The following EVPL variants were observed in gnomAD, a reference collection of about 807,000 sequenced individuals.
The protein encoded by EVPL is 210 kDa cornified envelope precursor protein.
A neutral mutation model predicts 129.7 loss-of-function variants in EVPL; 94 were observed. The observed-to-expected ratio is 0.72, with a 90% CI of 0.61 to 0.86. EVPL has a LOEUF of 0.86. Ranked by LOEUF, EVPL falls within the 40% of genes least tolerant of loss-of-function variation. EVPL has a pLI of 0.00. For synonymous variants in EVPL, 1,172 were observed against 1,191.1 expected (o/e 0.98, Z 0.33); for missense variants, 2,625 against 2,721.1 (o/e 0.96, Z 0.79).
At chr17:76,020,635 C>G (rs1425251308) in intron 9 of EVPL, among the ~76,000 whole-genome samples, 1 of 147,194 alleles carries the variant, frequency 6.8e-6, no homozygotes, top group South Asian at 2.1e-4. Context: ...CATTATTATT[C>G]TCCTAAAGAG....
At position 76,014,708 on chromosome 17, in the gene EVPL, C is replaced by T. The variant is rs1183269762; in HGVS notation, c.2223-132G>A. 6.2e-6 allele frequency: 8 copies of T among 1,296,534 alleles called. No individual in the cohort carries two copies. The African/African-American group carries it at 1.2e-4, about 20-fold the overall frequency. 80.3% of individuals were successfully genotyped at this position (1,296,534 alleles called of 1,614,324 possible). A position where few individuals can be genotyped will look rare whatever the true frequency, so the allele number is the denominator to read the frequency against. On this transcript the variant is annotated intron_variant, in intron 17 of 21. Transcript: ENST00000301607. ...GCCCGAGTGGCCTGCTGTGCAGATC[C>T]CCACTCCCTGACCCTGGGAATTCAG...
intron 18 of EVPL, among the ~76,000 whole-genome samples, chr17:76,012,712 T>G (rs1159087456): frequency 1.9e-4 from 28 of 150,362 alleles, no homozygotes; most frequent in African/African-American, 6.1e-4. Flanking sequence ...CAGGTCCGGG[T>G]GGCCCTGAGA....
rs1338249287 is a variant in EVPL at position 76,011,997 on chromosome 17, G to A, written c.2457+9C>T. On this transcript the variant is annotated intron_variant, in intron 19 of 21. Coordinates refer to ENST00000301607, the MANE Select transcript of EVPL (RefSeq NM_001988.4). ...ATGGAGAGGGGCAAGCTGAAGGCAA[G>A]CTGCTTACCTGGAGCGCTGCCTGCA... 1 of 1,612,012 alleles carries A rather than the reference G, an allele frequency of 6.2e-7. No individual in the cohort carries two copies. The highest frequency in any genetic ancestry group is 1.1e-5 in the South Asian group (1 of 90,602).
At position 76,017,738 on chromosome 17, in the gene EVPL, C is replaced by T; in HGVS notation, c.1710+1G>A. 6.2e-7 allele frequency: 1 copy of T among 1,611,586 alleles called. No individual in the cohort carries two copies. Among genetic ancestry groups the T allele is most frequent in the Non-Finnish European group, 8.5e-7 (1 of 1,179,580 alleles). On this transcript the variant is annotated splice_donor_variant, in intron 14 of 21. Transcript: ENST00000301607. LOFTEE classifies it high-confidence loss of function. ...GCCGCCCCTTCCCGCTGCTCACCCA[C>T]CTCATGGCTGTGGATGCGGCCCTCC...
Position 76,009,090 on chromosome 17 carries a change from A to G in EVPL, c.4115T>C (p.Val1372Ala). 6.2e-7 allele frequency: 1 copy of G among 1,612,926 alleles called. No individual in the cohort carries two copies. Among genetic ancestry groups the G allele is most frequent in the Non-Finnish European group, 8.5e-7 (1 of 1,179,438 alleles). Residue 1372 changes from valine to alanine, a missense_variant, in exon 22 of 22, where the codon GTG becomes GCG. Around this residue, in one of 4 missense-constraint regions of EVPL, gnomAD observed 1,453 missense variants for 1,511.8 expected, o/e 0.96. Transcript: ENST00000301607. This position sits in a 1 kb window ranked among gnomAD's most constrained non-coding sequence, Gnocchi z 5.9. ...CTTCTGGGTGACCACCACCTCCTGC[A>G]CCACCACCTTCTCCTCGGGCTTCCT... Reference protein sequence around the residue: ...ERRKPEEKVVVQEVVVTQKDP... With the variant: ...ERRKPEEKVVAQEVVVTQKDP...
rs910241774 is a variant in EVPL at position 76,013,385 on chromosome 17, A to T, written c.2373+1041T>A. Among the ~76,000 whole-genome samples, 2 of 151,744 alleles carry T rather than the reference A, an allele frequency of 1.3e-5. No homozygotes were observed. The highest frequency in any genetic ancestry group is 4.8e-5 in the African/African-American group (2 of 41,278). On this transcript the variant is annotated intron_variant, in intron 18 of 21. Coordinates refer to ENST00000301607, the MANE Select transcript of EVPL (RefSeq NM_001988.4). This position sits in a 1 kb window ranked among gnomAD's most constrained non-coding sequence, Gnocchi z 4.3. ...TTTGCTCTCACGAGCTCCTAGGGGA[A>T]CCCCCAGCCCCAGTTCCCTCCCATA...
In EVPL at chr17:76,024,528, T is replaced by G. The variant is rs1279384452; in HGVS notation, c.99-408A>C. Among the ~76,000 whole-genome samples the G allele has an allele frequency of 3.9e-5, 6 of 152,060 alleles. No individual in the cohort carries two copies. Among genetic ancestry groups the G allele is most frequent in the African/African-American group, 1.4e-4 (6 of 41,416 alleles). ...CCCTGGGAGGGGTAGTTGGGCTGGC[T>G]GGGGCAGGGAGGCAGCAGCATGTCC... On this transcript the variant is annotated intron_variant, in intron 1 of 21. Transcript: ENST00000301607. The surrounding 1 kb of genome is among the most constrained non-coding windows in gnomAD (Gnocchi z 4.5).
Position 76,010,168 on chromosome 17 carries a change from G to A in EVPL, c.3037C>T (p.His1013Tyr), listed in dbSNP as rs772213298. ...TGGGTGACCTCCTTGGTCAGCAGAT[G>A]AGGCTGCATGGTCTTCCTCTTGCTT... ...LESKRKTMQP[H>Y]LLTKEVTQVE... The change falls in exon 22 of 22, where the codon CAT becomes TAT. Residue 1013 changes from histidine (H) to tyrosine (Y), a missense_variant. Coordinates refer to ENST00000301607, the MANE Select transcript of EVPL (RefSeq NM_001988.4). 3.0e-5 allele frequency: 49 copies of A among 1,613,970 alleles called. No homozygotes were observed. Among genetic ancestry groups the A allele is most frequent in the Non-Finnish European group, 2.5e-6 (3 of 1,180,040 alleles).
At position 76,010,165 on chromosome 17, in the gene EVPL, G is replaced by T; in HGVS notation, c.3040C>A (p.Leu1014Met). ...ESKRKTMQPH[L>M]LTKEVTQVER... ...ACCTGGGTGACCTCCTTGGTCAGCAGATGAGGCTGCATGGTCTTCCTCTTG... is the reference window on the plus strand; with the variant it reads ...ACCTGGGTGACCTCCTTGGTCAGCATATGAGGCTGCATGGTCTTCCTCTTG... Residue 1014 changes from leucine (L) to methionine (M), a missense_variant, in exon 22 of 22, where the codon CTG becomes ATG. Transcript: ENST00000301607. 1 of 1,614,140 alleles carries T rather than the reference G, an allele frequency of 6.2e-7. No individual in the cohort carries two copies. Among genetic ancestry groups the T allele is most frequent in the Non-Finnish European group, 8.5e-7 (1 of 1,180,038 alleles).
chr17:76,014,869 G>C (rs2066405193), intron 17 of EVPL, 47 bp downstream of exon 17: 6 of 1,522,528 alleles, frequency 3.9e-6, no homozygotes, highest in African/African-American at 1.4e-5. Flanking sequence ...GCAATGCCTG[G>C]CTCTGCACCA....
At position 76,024,466 on chromosome 17, in the gene EVPL, C is replaced by T. The variant is rs922264646; in HGVS notation, c.99-346G>A. On this transcript the variant is annotated intron_variant, in intron 1 of 21. Coordinates refer to ENST00000301607, the MANE Select transcript of EVPL (RefSeq NM_001988.4). The surrounding 1 kb of genome is among the most constrained non-coding windows in gnomAD (Gnocchi z 4.5). ...TTCCCTCCCCGAGCCAGTGAATCAC[C>T]GGCTCAGCCACTAGCACCTGAGCCA... 6.6e-5 allele frequency among the ~76,000 whole-genome samples: 10 copies of T among 152,120 alleles called. No individual in the cohort carries two copies. Among genetic ancestry groups the T allele is most frequent in the African/African-American group, 9.7e-5 (4 of 41,414 alleles).
chr17:76,014,227 G>C (rs577238496), intron 18 of EVPL, among the ~76,000 whole-genome samples, 199 bp downstream of exon 18: 24 of 152,336 alleles, frequency 1.6e-4, no homozygotes, highest in African/African-American at 5.5e-4. Flanking sequence ...GCCTGAGCTT[G>C]TAAATCCCAC....
Position 76,018,965 on chromosome 17 carries a change from G to A in EVPL, c.1233C>T (p.Pro411=), listed in dbSNP as rs973770922. ...DVAPLPQRRN[P]PQQPLHVDSI... is the part of the protein sequence containing the mutation. ...TGTCCACGTGCAGGGGCTGCTGAGG[G>A]GGGTTTCTTCGCTGTGGCAGAGGGG... The change falls in exon 11 of 22, where the codon CCC becomes CCT. Residue 411 remains proline (P), a synonymous_variant. Transcript: ENST00000301607. 8 of 1,565,166 alleles carry A rather than the reference G, an allele frequency of 5.1e-6. No individual in the cohort carries two copies. Among genetic ancestry groups the A allele is most frequent in the Non-Finnish European group, 6.0e-6 (7 of 1,159,914 alleles).
rs1433464184 is a variant in EVPL, at chr17:76,017,849, G to C, written c.1600C>G (p.Leu534Val). ...AQKLLTQMTR[L>V]DGDLGQIERQ... ...TCTATCTGTCCCAGGTCTCCATCCA[G>C]CCGGGTCATCTGTGTCAGGAGCTTC... The change falls in exon 14 of 22, where the codon CTG becomes GTG. Residue 534 changes from leucine to valine, a missense_variant. Physicochemically the swap from Leu to Val is conservative, Grantham distance 32. Coordinates refer to ENST00000301607, the MANE Select transcript of EVPL (RefSeq NM_001988.4). 3 of 1,613,988 alleles carry C rather than the reference G, an allele frequency of 1.9e-6. No individual in the cohort carries two copies. The highest frequency in any genetic ancestry group is 2.5e-6 in the Non-Finnish European group (3 of 1,180,056).
In EVPL at chr17:76,008,964, G is replaced by GC; in HGVS notation, c.4240dup (p.Ala1414GlyfsTer94). On this transcript the variant is annotated frameshift_variant, in exon 22 of 22. Coordinates refer to ENST00000301607, the MANE Select transcript of EVPL (RefSeq NM_001988.4). LOFTEE classifies it low-confidence loss of function (END_TRUNC). This position sits in a 1 kb window ranked among gnomAD's most constrained non-coding sequence, Gnocchi z 7.4. Reference sequence around the variant, plus strand: ...CAGGCCCTCCTGCTCCTCCACGCCGGCCCGCAGCTGCTGCACCTCAAGCTC... The same window carrying GC: ...CAGGCCCTCCTGCTCCTCCACGCCGGCCCCGCAGCTGCTGCACCTCAAGCTC... The GC allele has an allele frequency of 1.2e-6, 2 of 1,611,462 alleles. 1 individual carries two copies. The highest frequency in any genetic ancestry group is 2.2e-5 in the South Asian group (2 of 91,060).
In EVPL at chr17:76,009,510, T is replaced by C; in HGVS notation, c.3695A>G (p.Glu1232Gly). The C allele has an allele frequency of 6.2e-7, 1 of 1,613,954 alleles. No homozygotes were observed. Among genetic ancestry groups the C allele is most frequent in the Non-Finnish European group, 8.5e-7 (1 of 1,179,926 alleles). Residue 1232 changes from glutamate (E) to glycine (G), a missense_variant, in exon 22 of 22, where the codon GAG becomes GGG. By Grantham distance (98) the Glu-to-Gly change is moderately conservative. This residue lies in a region of EVPL where 1,453 missense variants were observed against 1,511.8 expected (regional missense o/e 0.96). Transcript: ENST00000301607. The surrounding 1 kb of genome is among the most constrained non-coding windows in gnomAD (Gnocchi z 5.9). Reference sequence around the variant, plus strand: ...GACCTCCAGGTCGGGCAGCAGCTTCTCCACCTCCTTCTCCACACCGCTCCT... The same window carrying C: ...GACCTCCAGGTCGGGCAGCAGCTTCCCCACCTCCTTCTCCACACCGCTCCT... ...GKRSGVEKEVEKLLPDLEVLR... is the reference protein window; with the variant it reads ...GKRSGVEKEVGKLLPDLEVLR...
At position 76,016,650 on chromosome 17, in the gene EVPL, A is replaced by C. The variant is rs117820015; in HGVS notation, c.1711-1022T>G. ...ATAATATGGCCAAGTGCAGTAGCTC[A>C]TGCCTGTAATCCTAGCACTTTGGGA... On this transcript the variant is annotated intron_variant, in intron 14 of 21. Transcript: ENST00000301607. 4.0e-3 allele frequency among the ~76,000 whole-genome samples: 605 copies of C among 152,178 alleles called. 1 individual carries two copies. Among genetic ancestry groups the C allele is most frequent in the Non-Finnish European group, 6.1e-3 (415 of 68,018 alleles).
At chr17:76,016,192 C>G (rs950295232) in intron 14 of EVPL, among the ~76,000 whole-genome samples, 1 of 152,140 alleles carries the variant, frequency 6.6e-6, no homozygotes, top group African/African-American at 2.4e-5. Flanking sequence ...GAGGATGACA[C>G]AAGAGCCTGT....
Position 76,018,442 on chromosome 17 carries a change from C to T in EVPL, c.1439+4G>A, listed in dbSNP as rs774903347. 6.8e-6 allele frequency: 11 copies of T among 1,610,576 alleles called. No homozygotes were observed. The highest frequency in any genetic ancestry group is 8.5e-6 in the Non-Finnish European group (10 of 1,179,114). On this transcript the variant is annotated splice_donor_region_variant and intron_variant, in intron 12 of 21. Transcript: ENST00000301607. ...TGCCCCTGAGTATCCCTACACAGAC[C>T]TACCGGGAGGCCCTGGCCACAGCAT...
Sources: gnomAD v4.1 joint callset for allele counts (sites outside exome capture counted in the v4.1 genomes callset) on GRCh38, gnomAD v4.1.1 for gene constraint, gnomAD v4.1.1 regional missense constraint, Gnocchi (gnomAD v3.1) non-coding constraint, MANE v1.5 for transcripts, NCBI Gene and HGNC (gene_info 2026-07-23, HGNC 2026-07-21) for gene names.